Variants in GABRA2 observed in about 807,000 individuals in gnomAD.
The protein encoded by GABRA2 is gamma-aminobutyric acid receptor subunit alpha-2.
Under a neutral mutation model 48.7 loss-of-function variants are expected in GABRA2, and 16 were observed. That is an observed-to-expected ratio of 0.33 (90% CI 0.22 to 0.50). GABRA2 has a LOEUF of 0.50. Among genes scored for constraint, GABRA2 ranks in the 20% least tolerant of loss-of-function variants. The pLI, the probability that GABRA2 is intolerant of heterozygous loss-of-function variation, is 0.98. For synonymous variants in GABRA2, 185 were observed against 184.5 expected (o/e 1.00, Z -0.02); for missense variants, 275 against 535.6 (o/e 0.51, Z 4.80).
At chr4:46,289,687 C>A (rs1244608264) in intron 8 of GABRA2, among the ~76,000 whole-genome samples, 1 of 152,048 alleles carries the variant, frequency 6.6e-6, no homozygotes, top group African/African-American at 2.4e-5. Context: ...TGCACTATTC[C>A]CCTGAACATA....
chr4:46,298,205 G>T (rs1725102765), intron 8 of GABRA2, among the ~76,000 whole-genome samples: 1 of 152,016 alleles, frequency 6.6e-6, no homozygotes, highest in East Asian at 1.9e-4. Flanking sequence ...ATGTGTAATT[G>T]CTGTTTTTGC....
intron 7 of GABRA2, among the ~76,000 whole-genome samples, chr4:46,304,295 T>A (rs1262635347): frequency 6.6e-6 from 1 of 152,156 alleles, no homozygotes; most frequent in Non-Finnish European, 1.5e-5. Flanking sequence ...TGGCCCACAT[T>A]TTCCCACTTT....
intron 8 of GABRA2, among the ~76,000 whole-genome samples, chr4:46,276,599 CAAAAA>C (rs60891194): frequency 2.3e-5 from 2 of 85,178 alleles, no homozygotes; most frequent in Admixed American, 1.3e-4. Flanking sequence ...ACTTCAGGCT[CAAAAA>C]AAAAAAAAAA....
At chr4:46,272,418 CCTATA>C (rs1719516515) in intron 8 of GABRA2, among the ~76,000 whole-genome samples, 1 of 151,920 alleles carries the variant, frequency 6.6e-6, no homozygotes, top group Non-Finnish European at 1.5e-5. Flanking sequence ...TTGCAAGAAA[CCTATA>C]CTTTCTTTTA....
chr4:46,254,276 T>G (rs1367169166), intron 9 of GABRA2, among the ~76,000 whole-genome samples: 1 of 151,526 alleles, frequency 6.6e-6, no homozygotes, highest in Non-Finnish European at 1.5e-5. Flanking sequence ...TTGGGCCACA[T>G]GACTGATTTT....
intron 3 of GABRA2, chr4:46,365,440 G>T (rs1243299023): frequency 6.6e-6 from 1 of 151,992 alleles, no homozygotes; most frequent in Non-Finnish European, 1.5e-5. Context: ...ACTATCTCAT[G>T]TCCTATTTTT....
chr4:46,377,395 C>A lies in GABRA2; in HGVS notation c.187+8679G>T, dbSNP rs1454814965. Reference sequence around the variant, plus strand: ...AGCACCTCTGCCCTGCCGCCCCGTCCGGGATGTGAGGAGCGTCTCTGCCCA... The same window carrying A: ...AGCACCTCTGCCCTGCCGCCCCGTCAGGGATGTGAGGAGCGTCTCTGCCCA... On this transcript the variant is annotated intron_variant, in intron 3 of 9. Transcript: ENST00000381620. Among the ~76,000 whole-genome samples, 28 of 147,116 alleles carry A rather than the reference C, an allele frequency of 1.9e-4. 1 individual carries two copies. The South Asian group carries it at 5.7e-3, about 30-fold the overall frequency.
chr4:46,313,132 T>C (rs1377264230), intron 4 of GABRA2, among the ~76,000 whole-genome samples: 1 of 125,524 alleles, frequency 8.0e-6, no homozygotes, highest in African/African-American at 3.3e-5. Context: ...AATAAATAAA[T>C]AAATAAATAA....
chr4:46,384,711 C>T (rs760817873), intron 3 of GABRA2, among the ~76,000 whole-genome samples: 1 of 152,158 alleles, frequency 6.6e-6, no homozygotes, highest in Non-Finnish European at 1.5e-5. Flanking sequence ...TTACTTCTTA[C>T]TTACTAGGCT....
chr4:46,277,420 C>A (rs1275599825), intron 8 of GABRA2, among the ~76,000 whole-genome samples: 1 of 152,098 alleles, frequency 6.6e-6, no homozygotes, highest in Non-Finnish European at 1.5e-5. Flanking sequence ...TTGTGGAAGA[C>A]TGATTTGGAA....
chr4:46,259,693 C>G (rs1340997802), intron 9 of GABRA2, among the ~76,000 whole-genome samples: 1 of 151,778 alleles, frequency 6.6e-6, no homozygotes, highest in African/African-American at 2.4e-5. Flanking sequence ...TGACAGATAA[C>G]CGCATTTGCT....
At chr4:46,258,052 A>C (rs1334410016) in intron 9 of GABRA2, among the ~76,000 whole-genome samples, 1 of 151,788 alleles carries the variant, frequency 6.6e-6, no homozygotes, top group African/African-American at 2.4e-5. Flanking sequence ...ATTCAGGTAG[A>C]AATATTCCAG....
chr4:46,265,467 A>G (rs1037831329), intron 8 of GABRA2, among the ~76,000 whole-genome samples: 2 of 114,964 alleles, frequency 1.7e-5, no homozygotes, highest in African/African-American at 4.6e-5. Context: ...TAATATATAT[A>G]TAATATATTG....
At chr4:46,272,874 C>G (rs1205288458) in intron 8 of GABRA2, among the ~76,000 whole-genome samples, 1 of 151,902 alleles carries the variant, frequency 6.6e-6, no homozygotes, top group East Asian at 1.9e-4. Flanking sequence ...AAGGTAATAT[C>G]ACTTACTTTC....
chr4:46,321,012 A>G (rs1241725997), intron 4 of GABRA2, among the ~76,000 whole-genome samples: 2 of 151,956 alleles, frequency 1.3e-5, no homozygotes, highest in Non-Finnish European at 1.5e-5. Context: ...TTATTTAAAC[A>G]TAATATATAT....
intron 1 of GABRA2, 56 bp downstream of exon 1, chr4:46,389,666 TGAGGCATGCACGC>T (rs1717960917): frequency 4.6e-5 from 40 of 874,120 alleles, no homozygotes; most frequent in Non-Finnish European, 5.5e-5. Context: ...TGGGGGGAGA[TGAGGCATGCACGC>T]GAGGCAAAGA....
intron 8 of GABRA2, among the ~76,000 whole-genome samples, chr4:46,275,919 A>G (rs564865656): frequency 6.6e-6 from 1 of 152,284 alleles, no homozygotes; most frequent in Non-Finnish European, 1.5e-5. Context: ...TTTGGGAGTT[A>G]TAAAACAAAC....
At chr4:46,291,654 G>C (rs965751708) in intron 8 of GABRA2, among the ~76,000 whole-genome samples, 1 of 151,708 alleles carries the variant, frequency 6.6e-6, no homozygotes, top group Non-Finnish European at 1.5e-5. Context: ...CTCAAATTTC[G>C]CACCCCAAGT....
intron 3 of GABRA2, among the ~76,000 whole-genome samples, chr4:46,361,214 G>T (rs1224854915): frequency 2.0e-5 from 3 of 152,158 alleles, no homozygotes; most frequent in Non-Finnish European, 1.5e-5. Flanking sequence ...AGAGACCTCT[G>T]TGGGAGCCCC....
Sources: gnomAD v4.1 joint callset for allele counts (sites outside exome capture counted in the v4.1 genomes callset) on GRCh38, gnomAD v4.1.1 for gene constraint, MANE v1.5 for transcripts, NCBI Gene and HGNC (gene_info 2026-07-23, HGNC 2026-07-21) for gene names.